The following PRKN variants were observed in gnomAD, a reference collection of about 807,000 sequenced individuals.
PRKN encodes parkin RBR E3 ubiquitin protein ligase, also known as E3 ubiquitin-protein ligase parkin.
Under a neutral mutation model 59.5 loss-of-function variants are expected in PRKN, and 56 were observed. That is an observed-to-expected ratio of 0.94 (90% CI 0.76 to 1.18). The LOEUF is 1.18. Ranked by LOEUF, PRKN falls within the 50% of genes most tolerant of loss-of-function variation. The probability of loss-of-function intolerance (pLI) is 0.00; values close to 1 mark genes in which losing one functional copy is unlikely to be tolerated. For missense variants in PRKN, 657 were observed against 596.4 expected (o/e 1.10, Z -1.06); for synonymous variants, 250 against 222.1 (o/e 1.13, Z -1.12).
At chr6:161,772,124 T>C (rs1260582501) in intron 7 of PRKN, among the ~76,000 whole-genome samples, 5 of 152,224 alleles carry the variant, frequency 3.3e-5, no homozygotes, top group African/African-American at 4.8e-5. Context: ...GTGATGATGA[T>C]GGCGGTAGTG....
intron 6 of PRKN, among the ~76,000 whole-genome samples, chr6:161,911,696 T>C (rs964385052): frequency 6.6e-6 from 1 of 152,178 alleles, no homozygotes; most frequent in Non-Finnish European, 1.5e-5. Flanking sequence ...TATAGAAATG[T>C]AGTATATCAT....
rs746196555 is a variant in PRKN at position 161,864,948 on chromosome 6, C to G, written c.735-79040G>C. 3.5e-4 allele frequency among the ~76,000 whole-genome samples: 53 copies of G among 152,148 alleles called. 1 individual carries two copies. Among genetic ancestry groups the G allele is most frequent in the Admixed American group, 2.4e-3 (37 of 15,264 alleles). ...GGATTACAGGCGTGAACCATCGTGC[C>G]CGGCCTCCAAAAGGTTTTCAATGTA... is the stretch of plus-strand genomic sequence containing the variant. On this transcript the variant is annotated intron_variant, in intron 6 of 11. Transcript: ENST00000366898.
chr6:162,271,854 T>A (rs1400228256), intron 2 of PRKN, among the ~76,000 whole-genome samples: 1 of 152,232 alleles, frequency 6.6e-6, no homozygotes, highest in African/African-American at 2.4e-5. Context: ...ATATTTGTGA[T>A]TTAGCCTTTC....
Position 161,349,200 on chromosome 6 carries a change from T to C in PRKN, c.*899A>G, listed in dbSNP as rs1310487502. 2.3e-5 allele frequency: 5 copies of C among 221,212 alleles called. No individual in the cohort carries two copies. The highest frequency in any genetic ancestry group is 4.5e-5 in the Non-Finnish European group (5 of 110,694). 13.7% of individuals were successfully genotyped at this position (221,212 alleles called of 1,614,324 possible). ...ATCATTTCTAAACGTGTTTCCTTTA[T>C]AGGCACTTTATCTATTAAATTTACA... On this transcript the variant is annotated 3_prime_UTR_variant, in exon 12 of 12. Transcript: ENST00000366898. The surrounding 1 kb of genome is among the most constrained non-coding windows in gnomAD (Gnocchi z 5.5).
intron 6 of PRKN, among the ~76,000 whole-genome samples, chr6:161,844,830 T>C (rs1050461299): frequency 6.6e-6 from 1 of 152,232 alleles, no homozygotes; most frequent in Non-Finnish European, 1.5e-5. Context: ...CCTCCTGGTG[T>C]GCAATGCTGA....
chr6:161,832,455 C>A (rs1792541912), intron 6 of PRKN, among the ~76,000 whole-genome samples: 1 of 151,704 alleles, frequency 6.6e-6, no homozygotes, highest in African/African-American at 2.4e-5. Context: ...GAAACCTCGT[C>A]TCTAGTAAAA....
At chr6:161,509,725 CA>C (rs1326301180) in intron 9 of PRKN, among the ~76,000 whole-genome samples, 2 of 151,530 alleles carry the variant, frequency 1.3e-5, no homozygotes, top group African/African-American at 2.4e-5. Flanking sequence ...ACTAAAAATA[CA>C]AAAATTAGCT....
At chr6:161,954,461 C>T (rs1483134431) in intron 6 of PRKN, among the ~76,000 whole-genome samples, 1 of 152,178 alleles carries the variant, frequency 6.6e-6, no homozygotes, top group East Asian at 1.9e-4. Context: ...ATTCGCCTTG[C>T]TTTCTGTGGG....
chr6:162,575,573 C>T (rs1201775389), intron 1 of PRKN, among the ~76,000 whole-genome samples: 1 of 152,150 alleles, frequency 6.6e-6, no homozygotes, highest in African/African-American at 2.4e-5. Context: ...AGTCTCTATG[C>T]TGATACATGC....
chr6:161,433,116 C>T (rs755551341), intron 9 of PRKN, among the ~76,000 whole-genome samples: 19 of 152,156 alleles, frequency 1.2e-4, no homozygotes, highest in Non-Finnish European at 2.5e-4. Context: ...TGGCATATAA[C>T]TGCAAATGAC....
intron 7 of PRKN, among the ~76,000 whole-genome samples, chr6:161,607,715 A>C (rs956337720): frequency 2.6e-5 from 4 of 152,216 alleles, no homozygotes; most frequent in African/African-American, 9.6e-5. Context: ...TCCCAGAAAG[A>C]GAAAATAAAG....
chr6:162,372,562 G>C (rs1396181097), intron 2 of PRKN, among the ~76,000 whole-genome samples: 1 of 152,112 alleles, frequency 6.6e-6, no homozygotes, highest in Non-Finnish European at 1.5e-5. Context: ...CTACTAGAGA[G>C]GGGAGTGAGG....
intron 6 of PRKN, among the ~76,000 whole-genome samples, chr6:161,957,981 A>T (rs1780244846): frequency 6.6e-6 from 1 of 152,206 alleles, no homozygotes; most frequent in Non-Finnish European, 1.5e-5. Context: ...ATTTCAGATT[A>T]ATCTTAGAAA....
At position 162,628,621 on chromosome 6, in the gene PRKN, C is replaced by G. The variant is rs552073692; in HGVS notation, c.7+99041G>C. Among the ~76,000 whole-genome samples, 381 of 152,020 alleles carry G rather than the reference C, an allele frequency of 2.5e-3. 1 individual carries two copies. Among genetic ancestry groups the G allele is most frequent in the Non-Finnish European group, 4.6e-3 (312 of 67,970 alleles). ...ATCAAGTAGTGAAAATGGCAGAGCT[C>G]CCATATTGAATGAGAAAGTGATTCT... is the stretch of plus-strand genomic sequence containing the variant. On this transcript the variant is annotated intron_variant, in intron 1 of 11. Transcript: ENST00000366898.
At chr6:162,198,473 C>T (rs1015462990) in intron 4 of PRKN, among the ~76,000 whole-genome samples, 9 of 151,376 alleles carry the variant, frequency 5.9e-5, no homozygotes, top group African/African-American at 1.7e-4. Flanking sequence ...AATATATATA[C>T]ATACATACAT....
chr6:162,112,098 A>G (rs940226697), intron 4 of PRKN, among the ~76,000 whole-genome samples: 8 of 152,252 alleles, frequency 5.3e-5, no homozygotes, highest in African/African-American at 1.7e-4. Context: ...ATCTACAAAC[A>G]TATTGGACTA....
intron 3 of PRKN, among the ~76,000 whole-genome samples, chr6:162,261,520 A>G (rs567538706): frequency 4.3e-4 from 65 of 152,064 alleles, no homozygotes; most frequent in Middle Eastern, 6.3e-3. Flanking sequence ...TTCGATATTT[A>G]TATTAATATA....
chr6:162,321,236 T>C (rs1444309415), intron 2 of PRKN, among the ~76,000 whole-genome samples: 1 of 151,886 alleles, frequency 6.6e-6, no homozygotes, highest in Non-Finnish European at 1.5e-5. Flanking sequence ...GAGAATATTC[T>C]GAGCAATTTT....
intron 1 of PRKN, among the ~76,000 whole-genome samples, chr6:162,716,669 C>T (rs1778731964): frequency 6.6e-6 from 1 of 152,136 alleles, no homozygotes; most frequent in African/African-American, 2.4e-5. Flanking sequence ...AATATTCACA[C>T]CTTCTTTTGC....
Sources: gnomAD v4.1 joint callset for allele counts (sites outside exome capture counted in the v4.1 genomes callset) on GRCh38, gnomAD v4.1.1 for gene constraint, Gnocchi (gnomAD v3.1) non-coding constraint, MANE v1.5 for transcripts, NCBI Gene and HGNC (gene_info 2026-07-23, HGNC 2026-07-21) for gene names.